Variants in MCU observed in about 807,000 individuals in gnomAD.
The protein encoded by MCU is calcium uniporter protein, mitochondrial.
Under a neutral mutation model 45.2 loss-of-function variants are expected in MCU, and 12 were observed. The observed-to-expected ratio is 0.27, with a 90% CI of 0.17 to 0.43. The LOEUF is 0.43. Ranked by LOEUF, MCU falls within the 20% of genes least tolerant of loss-of-function variation. The probability of loss-of-function intolerance (pLI) is 1.00; values close to 1 mark genes in which losing one functional copy is unlikely to be tolerated. For synonymous variants in MCU, 160 were observed against 165.1 expected (o/e 0.97, Z 0.24); for missense variants, 324 against 436.7 (o/e 0.74, Z 2.30).
At chr10:72,748,040 T>TA (rs1437527501) in intron 1 of MCU, among the ~76,000 whole-genome samples, 1 of 151,912 alleles carries the variant, frequency 6.6e-6, no homozygotes, top group African/African-American at 2.4e-5. Context: ...TCAAGAGTCT[T>TA]ACGACAACCA....
intron 1 of MCU, among the ~76,000 whole-genome samples, chr10:72,721,868 A>C (rs1374245306): frequency 6.6e-6 from 1 of 152,194 alleles, no homozygotes; most frequent in Non-Finnish European, 1.5e-5. Flanking sequence ...GAAGCATTTC[A>C]TTTTGTTTGA....
chr10:72,692,843 A>G (rs1336322413), intron 1 of MCU: 12 of 1,428,336 alleles, frequency 8.4e-6, no homozygotes, highest in Non-Finnish European at 1.1e-5. Flanking sequence ...GGGGTCGGGC[A>G]GGAAGGAAAA....
intron 1 of MCU, among the ~76,000 whole-genome samples, chr10:72,795,343 G>T (rs1419222239): frequency 6.6e-6 from 1 of 151,922 alleles, no homozygotes; most frequent in African/African-American, 2.4e-5. Flanking sequence ...TTTTGATATG[G>T]CATCATCCCA....
At chr10:72,842,451 A>G (rs781067347) in intron 2 of MCU, among the ~76,000 whole-genome samples, 6 of 152,184 alleles carry the variant, frequency 3.9e-5, no homozygotes, top group South Asian at 2.1e-4. Context: ...CTGTGATTCT[A>G]TTTGTTACCA....
Position 72,887,211 on chromosome 10 carries a change from C to T in MCU, c.*1389C>T, listed in dbSNP as rs932385517. The stretch of plus-strand genomic sequence containing the variant: ...AAGGAGTTTCTTTCTCTTTTTCTTC[C>T]TCCTTTGGGATCATTGTGTATGAAA... On this transcript the variant is annotated 3_prime_UTR_variant, in exon 8 of 8. Transcript: ENST00000373053. 1 of 152,628 alleles carries T rather than the reference C, an allele frequency of 6.6e-6. No individual in the cohort carries two copies. The highest frequency in any genetic ancestry group is 2.4e-5 in the African/African-American group (1 of 41,400). 9.5% of individuals were successfully genotyped at this position (152,628 alleles called of 1,614,324 possible). A position where few individuals can be genotyped will look rare whatever the true frequency, so the allele number is the denominator to read the frequency against.
At chr10:72,772,517 C>T (rs1181956037) in intron 1 of MCU, among the ~76,000 whole-genome samples, 2 of 152,142 alleles carry the variant, frequency 1.3e-5, no homozygotes, top group East Asian at 3.9e-4. Context: ...GCCAGCATGG[C>T]AAAACCCTGT....
At chr10:72,782,413 T>G (rs562648521) in intron 1 of MCU, among the ~76,000 whole-genome samples, 35 of 152,292 alleles carry the variant, frequency 2.3e-4, no homozygotes, top group African/African-American at 7.7e-4. Context: ...TCTTGTCACC[T>G]GGGCTGGGGT....
chr10:72,792,137 T>G (rs752180847), intron 1 of MCU, among the ~76,000 whole-genome samples: 1 of 152,192 alleles, frequency 6.6e-6, no homozygotes, highest in Non-Finnish European at 1.5e-5. Context: ...AAGGCATTTA[T>G]TTGCAGGGCA....
intron 1 of MCU, among the ~76,000 whole-genome samples, chr10:72,699,029 C>G (rs1046693714): frequency 6.6e-6 from 1 of 152,144 alleles, no homozygotes. Context: ...GTCTTGAACT[C>G]CTCGGCTCAA....
At chr10:72,754,562 G>A (rs1478601907) in intron 1 of MCU, among the ~76,000 whole-genome samples, 1 of 152,132 alleles carries the variant, frequency 6.6e-6, no homozygotes, top group Non-Finnish European at 1.5e-5. Context: ...ATGAACCTGG[G>A]CAACATAGAC....
At chr10:72,858,739 T>C (rs1845331027) in intron 2 of MCU, among the ~76,000 whole-genome samples, 1 of 152,192 alleles carries the variant, frequency 6.6e-6, no homozygotes, top group South Asian at 2.1e-4. Flanking sequence ...ATTGACTGTT[T>C]TGGAGTAAGA....
chr10:72,835,235 C>T (rs186367590), intron 2 of MCU, among the ~76,000 whole-genome samples: 6 of 152,314 alleles, frequency 3.9e-5, no homozygotes, highest in African/African-American at 1.4e-4. Flanking sequence ...GTCTATGATG[C>T]TATAAACTGG....
At chr10:72,767,959 T>C (rs1193855596) in intron 1 of MCU, among the ~76,000 whole-genome samples, 1 of 152,102 alleles carries the variant, frequency 6.6e-6, no homozygotes, top group Non-Finnish European at 1.5e-5. Flanking sequence ...TGTTAGATGA[T>C]CAGATCAACT....
intron 6 of MCU, among the ~76,000 whole-genome samples, chr10:72,879,115 T>C (rs1267548200): frequency 6.6e-6 from 1 of 151,886 alleles, no homozygotes; most frequent in African/African-American, 2.4e-5. Flanking sequence ...AATACAAAAA[T>C]TAGCTGGGCA....
rs563982979 is a variant in MCU, at chr10:72,717,084, C to T, written c.150+24783C>T. 1.3e-5 allele frequency among the ~76,000 whole-genome samples: 2 copies of T among 151,108 alleles called. 1 individual carries two copies. The highest frequency in any genetic ancestry group is 4.2e-4 in the South Asian group (2 of 4,792). On this transcript the variant is annotated intron_variant, in intron 1 of 7. Coordinates refer to ENST00000373053, the MANE Select transcript of MCU (RefSeq NM_138357.3). Reference sequence around the variant, plus strand: ...TATTAGGCGATGCTTGTTTTCCCTACTATTTGAAAGGTGCACAGTCTATTT... The same window carrying T: ...TATTAGGCGATGCTTGTTTTCCCTATTATTTGAAAGGTGCACAGTCTATTT...
chr10:72,868,634 A>G, intron 4 of MCU, 69 bp from the exon 5 acceptor site: 1 of 1,440,552 alleles, frequency 6.9e-7, no homozygotes, highest in Non-Finnish European at 9.6e-7. Context: ...AATCTGCCTC[A>G]TCTGATAGTC....
intron 1 of MCU, among the ~76,000 whole-genome samples, chr10:72,767,528 T>G (rs931475525): frequency 6.6e-6 from 1 of 152,136 alleles, no homozygotes; most frequent in Non-Finnish European, 1.5e-5. Context: ...TAATTTTTTT[T>G]GTAGAGATGA....
intron 1 of MCU, among the ~76,000 whole-genome samples, chr10:72,758,263 C>T (rs1843605801): frequency 6.6e-6 from 1 of 152,240 alleles, no homozygotes; most frequent in South Asian, 2.1e-4. Context: ...TGGCCTCAAA[C>T]ACCTGAGCTC....
chr10:72,735,217 C>T (rs928099451), intron 1 of MCU, among the ~76,000 whole-genome samples: 2 of 151,706 alleles, frequency 1.3e-5, no homozygotes, highest in Non-Finnish European at 2.9e-5. Context: ...CATATATGAC[C>T]TGGAACTGGC....
Sources: allele counts gnomAD v4.1 joint callset (sites outside exome capture counted in the v4.1 genomes callset), GRCh38; gene constraint gnomAD v4.1.1; transcripts MANE v1.5; gene names NCBI Gene and HGNC (gene_info 2026-07-23, HGNC 2026-07-21).